SLC6A16: variants seen among roughly 807,000 people sequenced by gnomAD.
SLC6A16 encodes solute carrier family 6 member 16.
SLC6A16 carries 54 observed loss-of-function variants against 65.4 expected under a neutral mutation model. That is an observed-to-expected ratio of 0.83 (90% confidence interval 0.66 to 1.04). SLC6A16 has a LOEUF of 1.04. Ranked by LOEUF, SLC6A16 falls within the 50% of genes least tolerant of loss-of-function variation. The pLI, the probability that SLC6A16 is intolerant of heterozygous loss-of-function variation, is 0.00. For synonymous variants in SLC6A16, 330 were observed against 346.5 expected (o/e 0.95, Z 0.53); for missense variants, 816 against 914.0 (o/e 0.89, Z 1.38).
chr19:49,294,589 G>C, intron 7 of SLC6A16, 36 bp from the exon 8 acceptor site: 1 of 1,533,856 alleles, frequency 6.5e-7, no homozygotes. Flanking sequence ...CGAACCATTT[G>C]GCCCAGTAGG....
chr19:49,332,061 T>C, the SLC6A16 span: 8 of 455,252 alleles, frequency 1.8e-5, no homozygotes, highest in South Asian at 1.2e-4. Flanking sequence ...CACATGGTTC[T>C]GTAGGCCAGA....
At chr19:49,322,762 AAGACAACACTGT>A (rs1414106369) in intron 1 of SLC6A16, among the ~76,000 whole-genome samples, 1 of 140,790 alleles carries the variant, frequency 7.1e-6, no homozygotes, top group Non-Finnish European at 1.5e-5. Flanking sequence ...CATGGGTTGG[AAGACAACACTGT>A]TAAGATGTCA....
At chr19:49,337,718 C>A in the SLC6A16 span, 1 of 1,534,310 alleles carries the variant, frequency 6.5e-7, no homozygotes, top group East Asian at 2.4e-5. Context: ...AAGAAATAGA[C>A]GCCCTGAAAG....
At chr19:49,328,844 C>T (rs1484066653), upstream of SLC6A16, among the ~76,000 whole-genome samples, 2 of 152,168 alleles carry the variant, frequency 1.3e-5, no homozygotes, top group African/African-American at 4.8e-5. Flanking sequence ...AGTCACCATA[C>T]GGTGAGGACA....
chr19:49,310,255 T>C (rs1341916276), intron 3 of SLC6A16, 89 bp from the exon 4 acceptor site: 4 of 1,604,300 alleles, frequency 2.5e-6, no homozygotes, highest in Non-Finnish European at 3.4e-6. Context: ...ACCAAAGGGA[T>C]CTGACCCATG....
chr19:49,309,867 AC>A (rs34491037), intron 4 of SLC6A16, 41 bp from the exon 5 acceptor site: 2 of 1,586,524 alleles, frequency 1.3e-6, no homozygotes, highest in Admixed American at 3.4e-5. Flanking sequence ...TAGACAAGGT[AC>A]CCCCTCTTCT....
At chr19:49,317,340 C>T (rs535873172) in intron 1 of SLC6A16, among the ~76,000 whole-genome samples, 1 of 150,776 alleles carries the variant, frequency 6.6e-6, no homozygotes, top group East Asian at 1.9e-4. Flanking sequence ...GACCCTATCT[C>T]AAAAATAATA....
chr19:49,302,895 A>G (rs1341909625), intron 7 of SLC6A16, among the ~76,000 whole-genome samples: 2 of 152,220 alleles, frequency 1.3e-5, no homozygotes, highest in Non-Finnish European at 2.9e-5. Flanking sequence ...AAGAAAGAAT[A>G]AGCAAATTCA....
intron 1 of SLC6A16, among the ~76,000 whole-genome samples, chr19:49,320,748 C>T (rs1970697353): frequency 6.6e-6 from 1 of 152,004 alleles, no homozygotes; most frequent in Admixed American, 6.5e-5. Context: ...CAACTGTACA[C>T]CAATAAACTG....
chr19:49,331,733 G>A, the SLC6A16 span: 5 of 457,034 alleles, frequency 1.1e-5, no homozygotes, highest in East Asian at 3.5e-4. Context: ...GTCTAGAAAT[G>A]GGCTGTGTCC....
In SLC6A16 at chr19:49,292,690, T is replaced by C. The variant is rs1470666665; in HGVS notation, c.1778+533A>G. 6.6e-6 allele frequency among the ~76,000 whole-genome samples: 1 copy of C among 152,186 alleles called. No individual in the cohort carries two copies. The highest frequency in any genetic ancestry group is 1.5e-5 in the Non-Finnish European group (1 of 68,032). On this transcript the variant is annotated intron_variant, in intron 10 of 11. Coordinates refer to ENST00000335875, the MANE Select transcript of SLC6A16 (RefSeq NM_014037.3). This position sits in a 1 kb window ranked among gnomAD's most constrained non-coding sequence, Gnocchi z 4.3. ...CCTTGTTTCTCAAAAACTCTAGGCATTATGCTTCCTCTGGCCTTGGTAATT... is the reference window on the plus strand; with the variant it reads ...CCTTGTTTCTCAAAAACTCTAGGCACTATGCTTCCTCTGGCCTTGGTAATT...
intron 7 of SLC6A16, among the ~76,000 whole-genome samples, chr19:49,296,674 T>C (rs1261142695): frequency 1.3e-5 from 2 of 152,084 alleles, no homozygotes; most frequent in African/African-American, 4.8e-5. Flanking sequence ...AAGCAAAAAC[T>C]TTAAAACACA....
At chr19:49,312,525 G>A in intron 1 of SLC6A16, 2 of 981,962 alleles carry the variant, frequency 2.0e-6, no homozygotes, top group Non-Finnish European at 2.4e-6. Flanking sequence ...CACATCTAGG[G>A]CTATTCTCCT....
chr19:49,325,671 C>T (rs1248822922), upstream of SLC6A16, among the ~76,000 whole-genome samples: 1 of 152,170 alleles, frequency 6.6e-6, no homozygotes, highest in Non-Finnish European at 1.5e-5. Flanking sequence ...TTACTTAGGT[C>T]ATCCGTTCTC....
chr19:49,324,813 C>A (rs1970771877), intron 1 of SLC6A16, among the ~76,000 whole-genome samples: 1 of 152,200 alleles, frequency 6.6e-6, no homozygotes, highest in South Asian at 2.1e-4. Context: ...GGCTCAAACT[C>A]GGACTGGATG....
chr19:49,296,972 G>C (rs1054673221), intron 7 of SLC6A16, among the ~76,000 whole-genome samples: 1 of 152,170 alleles, frequency 6.6e-6, no homozygotes. Flanking sequence ...CTGGGCAACA[G>C]AGTGAGACCC....
At chr19:49,299,608 A>G (rs1360584431) in intron 7 of SLC6A16, among the ~76,000 whole-genome samples, 1 of 151,616 alleles carries the variant, frequency 6.6e-6, no homozygotes, top group East Asian at 1.9e-4. Flanking sequence ...CTAGGAAAAA[A>G]AAAAAAAAAA....
At chr19:49,290,452 T>A in intron 11 of SLC6A16, 60 bp from the exon 12 acceptor site, 1 of 1,584,714 alleles carries the variant, frequency 6.3e-7, no homozygotes, top group Non-Finnish European at 8.6e-7. Flanking sequence ...AAGGAAGAGT[T>A]GTGGAGGGGA....
upstream of SLC6A16, among the ~76,000 whole-genome samples, chr19:49,329,563 G>T (rs1970828326): frequency 6.6e-6 from 1 of 150,904 alleles, no homozygotes; most frequent in South Asian, 2.1e-4. Flanking sequence ...TGGGAGGATT[G>T]CTTGAGGCTA....
Sources: gnomAD v4.1 joint callset for allele counts (sites outside exome capture counted in the v4.1 genomes callset) on GRCh38, gnomAD v4.1.1 for gene constraint, Gnocchi (gnomAD v3.1) non-coding constraint, MANE v1.5 for transcripts, NCBI Gene and HGNC (gene_info 2026-07-23, HGNC 2026-07-21) for gene names.